Variants in DCC observed in about 807,000 individuals in gnomAD.
The protein encoded by DCC is DCC netrin 1 receptor.
In DCC, 58 loss-of-function variants were observed where a neutral mutation model predicts 172.5. The observed-to-expected ratio is 0.34, with a 90% confidence interval of 0.27 to 0.42. The LOEUF is 0.42. DCC is among the 10% of genes least tolerant of loss of function. The pLI is 1.00. For missense variants in DCC, 1,740 were observed against 1,791.0 expected (o/e 0.97, Z 0.51); for synonymous variants, 709 against 644.5 (o/e 1.10, Z -1.52).
rs115646715 is a variant in DCC at position 52,797,869 on chromosome 18, G to C, written c.412+45495G>C. On this transcript the variant is annotated intron_variant, in intron 2 of 28. Transcript: ENST00000442544. ...GCAGGTGGCAGTGGCAATGGGAAAG[G>C]CTGGCTGGTTCTCAAGCCGCATAAA... Among the ~76,000 whole-genome samples, 779 of 152,330 alleles carry C rather than the reference G, an allele frequency of 5.1e-3. 6 individuals carry two copies. The highest frequency in any genetic ancestry group is 0.017 in the African/African-American group (717 of 41,572).
chr18:52,637,500 G>A (rs1004916630), intron 1 of DCC, among the ~76,000 whole-genome samples: 6 of 152,208 alleles, frequency 3.9e-5, no homozygotes, highest in South Asian at 2.1e-4. Flanking sequence ...CTTTGGAGGC[G>A]CTTTTGGAAA....
intron 1 of DCC, among the ~76,000 whole-genome samples, chr18:52,698,816 G>A (rs1396282413): frequency 1.4e-5 from 2 of 139,018 alleles, no homozygotes; most frequent in African/African-American, 5.4e-5. Context: ...TCACTATGTT[G>A]GCCAGGCTAG....
chr18:53,102,610 T>C (rs1453835709), intron 7 of DCC, among the ~76,000 whole-genome samples: 2 of 152,142 alleles, frequency 1.3e-5, no homozygotes, highest in African/African-American at 2.4e-5. Context: ...AAGTTAATTA[T>C]GGTGCAGTGA....
At chr18:52,844,817 C>A (rs113685517) in intron 2 of DCC, among the ~76,000 whole-genome samples, 4,076 of 152,246 alleles carry the variant, frequency 0.027, 164 homozygotes, top group African/African-American at 0.09. Flanking sequence ...ATGTTTGTCA[C>A]CCAGTGATGT....
chr18:52,717,665 C>T (rs1419281432), intron 1 of DCC, among the ~76,000 whole-genome samples: 2 of 151,994 alleles, frequency 1.3e-5, no homozygotes, highest in Non-Finnish European at 2.9e-5. Context: ...TTACATGTCT[C>T]CAGCGGACTT....
chr18:52,536,515 C>T (rs987425555), intron 1 of DCC, among the ~76,000 whole-genome samples: 2 of 152,080 alleles, frequency 1.3e-5, no homozygotes, highest in Non-Finnish European at 2.9e-5. Context: ...CATAAAAATT[C>T]TCAGTAAATC....
At chr18:53,404,946 G>A (rs768703941) in intron 19 of DCC, among the ~76,000 whole-genome samples, 39 of 151,892 alleles carry the variant, frequency 2.6e-4, no homozygotes, top group Admixed American at 3.3e-4. Context: ...GCCTTTAAAA[G>A]CCTGGCTTAT....
chr18:53,264,320 C>G (rs1352024215), intron 12 of DCC, among the ~76,000 whole-genome samples: 2 of 151,750 alleles, frequency 1.3e-5, no homozygotes, highest in Non-Finnish European at 2.9e-5. Flanking sequence ...AACCCCATTT[C>G]CATTAAAAAT....
At chr18:52,956,755 T>G (rs1401057051) in intron 5 of DCC, among the ~76,000 whole-genome samples, 2 of 152,164 alleles carry the variant, frequency 1.3e-5, no homozygotes, top group Non-Finnish European at 2.9e-5. Context: ...TATTTAGTTT[T>G]TCTTTAATAT....
At chr18:52,858,943 A>G (rs2039093246) in intron 2 of DCC, among the ~76,000 whole-genome samples, 2 of 152,212 alleles carry the variant, frequency 1.3e-5, no homozygotes, top group Admixed American at 6.5e-5. Context: ...ACTATGCATT[A>G]ATGTCAATAA....
At chr18:53,040,410 C>T (rs576271234) in intron 5 of DCC, among the ~76,000 whole-genome samples, 14 of 151,914 alleles carry the variant, frequency 9.2e-5, no homozygotes, top group African/African-American at 2.9e-4. Context: ...CTACATAAAC[C>T]GAAAAGCATA....
chr18:53,431,700 T>C (rs907434022), intron 21 of DCC, among the ~76,000 whole-genome samples: 1 of 152,116 alleles, frequency 6.6e-6, no homozygotes, highest in Non-Finnish European at 1.5e-5. Flanking sequence ...GCCCAGGCTG[T>C]CTTGATCTCT....
At chr18:52,694,723 C>T (rs2035985119) in intron 1 of DCC, among the ~76,000 whole-genome samples, 2 of 152,042 alleles carry the variant, frequency 1.3e-5, no homozygotes, top group Non-Finnish European at 2.9e-5. Context: ...TGGGACTGGA[C>T]TGTGGCTCTC....
intron 12 of DCC, among the ~76,000 whole-genome samples, chr18:53,292,046 A>G (rs1220825478): frequency 6.6e-6 from 1 of 152,186 alleles, no homozygotes; most frequent in Non-Finnish European, 1.5e-5. Context: ...GAGCTTAAAA[A>G]AAGAAGATGC....
intron 21 of DCC, among the ~76,000 whole-genome samples, chr18:53,419,706 A>G (rs1006649677): frequency 6.6e-6 from 1 of 152,006 alleles, no homozygotes; most frequent in Admixed American, 6.6e-5. Flanking sequence ...TGAGAAAGGT[A>G]TTGTCTCCAT....
intron 1 of DCC, among the ~76,000 whole-genome samples, chr18:52,637,433 G>A (rs2034803197): frequency 6.6e-6 from 1 of 151,950 alleles, no homozygotes; most frequent in Non-Finnish European, 1.5e-5. Flanking sequence ...GAAGTGAAGG[G>A]AGAAATATTC....
At chr18:53,003,698 A>AAGTCTC (rs1367816431) in intron 5 of DCC, among the ~76,000 whole-genome samples, 1 of 151,998 alleles carries the variant, frequency 6.6e-6, no homozygotes, top group Admixed American at 6.6e-5. Flanking sequence ...GGAAAAGGAG[A>AAGTCTC]CTTTTCCTCC....
At chr18:52,481,739 G>A (rs2029970544) in intron 1 of DCC, among the ~76,000 whole-genome samples, 1 of 151,986 alleles carries the variant, frequency 6.6e-6, no homozygotes, top group Admixed American at 6.6e-5. Context: ...CTCTGACACT[G>A]TCTGCTGTGT....
intron 7 of DCC, among the ~76,000 whole-genome samples, chr18:53,130,589 A>G (rs1343568323): frequency 6.6e-6 from 1 of 152,104 alleles, no homozygotes; most frequent in Admixed American, 6.6e-5. Context: ...TATGTGGTGG[A>G]GATGGGAATA....
Sources: allele counts gnomAD v4.1 joint callset (sites outside exome capture counted in the v4.1 genomes callset), GRCh38; gene constraint gnomAD v4.1.1; transcripts MANE v1.5; gene names NCBI Gene and HGNC (gene_info 2026-07-23, HGNC 2026-07-21).